Variants in WDR72 observed in about 807,000 individuals in gnomAD.
WDR72 encodes the protein WD repeat domain 72.
A neutral mutation model predicts 124.2 loss-of-function variants in WDR72; 120 were observed. That is an observed-to-expected ratio of 0.97 (90% confidence interval 0.83 to 1.12). The LOEUF (loss-of-function observed/expected upper bound fraction) is 1.12, where lower values mean the gene tolerates loss of function less well. Ranked by LOEUF, WDR72 falls within the 50% of genes most tolerant of loss-of-function variation. The pLI is 0.00. For synonymous variants in WDR72, 452 were observed against 441.7 expected (o/e 1.02, Z -0.29); for missense variants, 1,387 against 1,278.8 (o/e 1.08, Z -1.29).
At chr15:53,706,389 T>TATAC (rs2017377099) in intron 9 of WDR72, among the ~76,000 whole-genome samples, 1 of 112,220 alleles carries the variant, frequency 8.9e-6, no homozygotes, top group Non-Finnish European at 2.1e-5. Flanking sequence ...TATATATATA[T>TATAC]ATATATGGCT....
chr15:53,734,470 C>T (rs2140618047), intron 1 of WDR72, among the ~76,000 whole-genome samples: 1 of 152,222 alleles, frequency 6.6e-6, no homozygotes, highest in South Asian at 2.1e-4. Flanking sequence ...AGAACATGGA[C>T]CTTCTTCTGC....
At chr15:53,722,466 A>G (rs545837646) in intron 3 of WDR72, among the ~76,000 whole-genome samples, 147 of 152,312 alleles carry the variant, frequency 9.7e-4, no homozygotes, top group African/African-American at 3.3e-3. Context: ...GAGAAAAGAC[A>G]AACACCTAGA....
intron 13 of WDR72, among the ~76,000 whole-genome samples, chr15:53,674,834 A>G (rs1432928630): frequency 6.6e-6 from 1 of 152,010 alleles, no homozygotes; most frequent in African/African-American, 2.4e-5. Context: ...CAGCACATTC[A>G]CAGCAATGCT....
chr15:53,591,727 C>G (rs1039605107), intron 18 of WDR72, among the ~76,000 whole-genome samples: 2 of 114,826 alleles, frequency 1.7e-5, no homozygotes, highest in Non-Finnish European at 3.7e-5. Flanking sequence ...CACACACACA[C>G]ACATATATAC....
chr15:53,537,673 C>T (rs1892833501), intron 18 of WDR72, among the ~76,000 whole-genome samples: 1 of 152,098 alleles, frequency 6.6e-6, no homozygotes, highest in African/African-American at 2.4e-5. Context: ...TGTAGACAGT[C>T]TAAGTAAATT....
intron 13 of WDR72, among the ~76,000 whole-genome samples, chr15:53,666,602 A>G (rs1029955955): frequency 1.3e-5 from 2 of 152,202 alleles, no homozygotes; most frequent in Admixed American, 1.3e-4. Flanking sequence ...CCTACTGAAT[A>G]AAGACACCAA....
rs534309005 is a variant in WDR72, at chr15:53,712,718, CA to C, written c.711+53del. 2.5e-4 allele frequency: 383 copies of C among 1,551,208 alleles called. 3 individuals carry two copies. Among genetic ancestry groups the C allele is most frequent in the Middle Eastern group, 7.2e-4 (4 of 5,530 alleles). ...ATCATATTCTTATTTTTGTACAAAA[CA>C]AAAAAAATTACACTTGTACATCACT... On this transcript the variant is annotated intron_variant, in intron 7 of 19. Transcript: ENST00000360509.
At chr15:53,734,427 C>T (rs2018291133) in intron 1 of WDR72, among the ~76,000 whole-genome samples, 1 of 152,010 alleles carries the variant, frequency 6.6e-6, no homozygotes, top group African/African-American at 2.4e-5. Context: ...ACAAAGCTAC[C>T]CAGAGAGTTC....
At chr15:53,715,049 G>A (rs894732656) in intron 5 of WDR72, 144 bp downstream of exon 5, 2 of 891,096 alleles carry the variant, frequency 2.2e-6, no homozygotes, top group Non-Finnish European at 3.4e-6. Context: ...TTCTTGATCA[G>A]GTGTATTACA....
chr15:53,565,852 G>T (rs748821185), intron 18 of WDR72, among the ~76,000 whole-genome samples: 12 of 151,944 alleles, frequency 7.9e-5, no homozygotes, highest in Non-Finnish European at 1.5e-4. Flanking sequence ...CACAGAGGCT[G>T]TAATAATTTG....
At chr15:53,588,539 T>G (rs1211500296) in intron 18 of WDR72, among the ~76,000 whole-genome samples, 1 of 151,922 alleles carries the variant, frequency 6.6e-6, no homozygotes, top group Non-Finnish European at 1.5e-5. Flanking sequence ...AGAGTTAAAA[T>G]GGAAGGATAA....
At chr15:53,661,005 C>G (rs2015590086) in intron 14 of WDR72, among the ~76,000 whole-genome samples, 1 of 152,110 alleles carries the variant, frequency 6.6e-6, no homozygotes, top group South Asian at 2.1e-4. Context: ...AAATGACAAC[C>G]AGTGCATCAC....
At chr15:53,576,552 A>G (rs1342971543) in intron 18 of WDR72, among the ~76,000 whole-genome samples, 1 of 152,082 alleles carries the variant, frequency 6.6e-6, no homozygotes, top group African/African-American at 2.4e-5. Flanking sequence ...TTTACTTATT[A>G]GGTGAAATTT....
chr15:53,684,693 T>A (rs2016544284), intron 13 of WDR72: 1 of 152,738 alleles, frequency 6.5e-6, no homozygotes, highest in African/African-American at 2.4e-5. Context: ...AAGCTAGAAC[T>A]GGGTGGAGCC....
At chr15:53,739,803 C>T (rs1435749204) in intron 1 of WDR72, among the ~76,000 whole-genome samples, 2 of 152,158 alleles carry the variant, frequency 1.3e-5, no homozygotes, top group East Asian at 1.9e-4. Context: ...AATAGTGATA[C>T]ACAAGGGAAA....
Position 53,692,925 on chromosome 15 carries a change from A to C in WDR72, c.1765+6825T>G, listed in dbSNP as rs548202212. Among the ~76,000 whole-genome samples, 151 of 152,170 alleles carry C rather than the reference A, an allele frequency of 9.9e-4. 1 individual carries two copies. The highest frequency in any genetic ancestry group is 1.9e-3 in the Non-Finnish European group (127 of 68,020). ...AATGTATCCTATTTTTTCTTTCCTA[A>C]AACCAATCAACCCAAGAGGGTTCCA... On this transcript the variant is annotated intron_variant, in intron 13 of 19. Transcript: ENST00000360509.
At chr15:53,694,610 T>A (rs2016945529) in intron 13 of WDR72, among the ~76,000 whole-genome samples, 1 of 152,180 alleles carries the variant, frequency 6.6e-6, no homozygotes, top group Admixed American at 6.5e-5. Context: ...GACCTCCATC[T>A]GCAAGAGGTG....
chr15:53,742,183 TAACCCCAGA>T, intron 1 of WDR72, among the ~76,000 whole-genome samples: 1 of 152,290 alleles, frequency 6.6e-6, no homozygotes, highest in African/African-American at 2.4e-5. Context: ...ATTTAAAAAG[TAACCCCAGA>T]AACGTAGTGT....
intron 14 of WDR72, among the ~76,000 whole-genome samples, chr15:53,637,094 C>T (rs1384262150): frequency 6.6e-6 from 1 of 152,032 alleles, no homozygotes; most frequent in Non-Finnish European, 1.5e-5. Flanking sequence ...AATAAAATCA[C>T]TCAATATGTG....
Sources: gnomAD v4.1 joint callset for allele counts (sites outside exome capture counted in the v4.1 genomes callset) on GRCh38, gnomAD v4.1.1 for gene constraint, MANE v1.5 for transcripts, NCBI Gene and HGNC (gene_info 2026-07-23, HGNC 2026-07-21) for gene names.